Variants in TSR2 observed in about 807,000 individuals in gnomAD.
TSR2 encodes TSR2 ribosome maturation factor, also known as pre-rRNA-processing protein TSR2 homolog.
TSR2 carries 1 observed loss-of-function variant against 13.3 expected under a neutral mutation model. The observed-to-expected ratio is 0.08, with a 90% CI of 0.03 to 0.36. The LOEUF (loss-of-function observed/expected upper bound fraction) is 0.36, where lower values mean the gene tolerates loss of function less well. Ranked by LOEUF, TSR2 falls within the 10% of genes least tolerant of loss-of-function variation. TSR2 has a pLI of 0.99. For synonymous variants in TSR2, 60 were observed against 57.7 expected (o/e 1.04, Z -0.18); for missense variants, 120 against 151.1 (o/e 0.79, Z 1.08).
In TSR2 at chrX:54,443,993, A is replaced by T. The variant is rs368945815; in HGVS notation, c.265-15A>T. The stretch of plus-strand genomic sequence containing the variant: ...TATCTGGAAAATCCAAACTGGTTGA[A>T]TATTTTCTTGGTAGGTGAGCCAGCA... On this transcript the variant is annotated splice_polypyrimidine_tract_variant and intron_variant, in intron 3 of 4. Transcript: ENST00000375151. 7.5e-6 allele frequency: 9 copies of T among 1,207,295 alleles called. No individual in the cohort carries two copies. Among genetic ancestry groups the T allele is most frequent in the Non-Finnish European group, 9.0e-6 (8 of 892,867 alleles).
chrX:54,444,649 AC>A lies in TSR2; in HGVS notation c.*103del. 1.2e-6 allele frequency: 1 copy of A among 858,340 alleles called. No individual in the cohort carries two copies. The highest frequency in any genetic ancestry group is 1.6e-6 in the Non-Finnish European group (1 of 619,819). 70.7% of individuals were successfully genotyped at this position (858,340 alleles called of 1,213,427 possible). On this transcript the variant is annotated 3_prime_UTR_variant, in exon 5 of 5. Transcript: ENST00000375151. ...AGGATTGCAGACCTGTGGACTGGTT[AC>A]CCCATCTCCACCCTCTCCCCTGTTC...
chrX:54,446,815 C>T lies in TSR2; in HGVS notation c.*2265C>T, dbSNP rs1482982827. ...CTTGGCTCACTGCAACCTCTACCTC[C>T]CAGGTTCAAGCAATTCTCCTGCCTC... is the stretch of plus-strand genomic sequence containing the variant. On this transcript the variant is annotated 3_prime_UTR_variant, in exon 5 of 5. Transcript: ENST00000375151. Among the ~76,000 whole-genome samples, 2 of 107,361 alleles carry T rather than the reference C, an allele frequency of 1.9e-5. No individual in the cohort carries two copies. Among genetic ancestry groups the T allele is most frequent in the African/African-American group, 3.4e-5 (1 of 29,175 alleles). 93.2% of individuals were successfully genotyped at this position (107,361 alleles called of 115,157 possible).
In TSR2 at chrX:54,445,647, A is replaced by T. The variant is rs1922125345; in HGVS notation, c.*1097A>T. 8.3e-6 allele frequency: 1 copy of T among 119,875 alleles called. No individual in the cohort carries two copies. The highest frequency in any genetic ancestry group is 3.3e-5 in the African/African-American group (1 of 30,765). 9.9% of individuals were successfully genotyped at this position (119,875 alleles called of 1,213,427 possible). On this transcript the variant is annotated 3_prime_UTR_variant, in exon 5 of 5. Coordinates refer to ENST00000375151, the MANE Select transcript of TSR2 (RefSeq NM_058163.3). ...AGCTGTAAGCCATGGGAGAGGCAGG[A>T]GAGGTCTAGTTGCCACCCCACGTGG...
chrX:54,443,352 T>A (rs750750388), intron 2 of TSR2, 48 bp from the exon 3 acceptor site: 11 of 958,369 alleles, frequency 1.1e-5, no homozygotes, highest in Admixed American at 2.3e-5. Context: ...GCAGGGGTGA[T>A]GAAGTTGGCT....
chrX:54,440,443 G>C lies in TSR2; in HGVS notation c.22G>C (p.Ala8Pro), dbSNP rs377577583. 1.8e-4 allele frequency: 208 copies of C among 1,127,308 alleles called. No homozygotes were observed. Among genetic ancestry groups the C allele is most frequent in the Non-Finnish European group, 2.2e-4 (192 of 858,135 alleles). The allele number at this position is 1,127,308 out of a possible 1,213,427, so 92.9% of individuals were successfully genotyped here. A position where few individuals can be genotyped will look rare whatever the true frequency, so the allele number is the denominator to read the frequency against. Residue 8 changes from alanine to proline, a missense_variant, in exon 1 of 5, where the codon GCG (alanine) becomes CCG (proline). Ala to Pro is a conservative substitution (Grantham distance 27). This residue lies in a region of TSR2 where 53 missense variants were observed against 52.3 expected (regional missense o/e 1.01). Transcript: ENST00000375151. ...GATAATGGCGGGCGCTGCAGAAGAT[G>C]CGCGAGCTCTTTTCCGGGCTGGGGT... MAGAAEDARALFRAGVCA... is the reference protein window; with the variant it reads MAGAAEDPRALFRAGVCA...
At position 54,446,034 on chromosome X, in the gene TSR2, G is replaced by T; in HGVS notation, c.*1484G>T. 1 of 802,281 alleles carries T rather than the reference G, an allele frequency of 1.2e-6. No individual in the cohort carries two copies. The highest frequency in any genetic ancestry group is 2.0e-5 in the African/African-American group (1 of 48,832). 66.1% of individuals were successfully genotyped at this position (802,281 alleles called of 1,213,427 possible). A position where few individuals can be genotyped will look rare whatever the true frequency, so the allele number is the denominator to read the frequency against. On this transcript the variant is annotated 3_prime_UTR_variant, in exon 5 of 5. Coordinates refer to ENST00000375151, the MANE Select transcript of TSR2 (RefSeq NM_058163.3). ...TTCAAGTATTGACTGAGCTGGGAGGGAAGGGGCTAGAGCCCCCAATCAGAC... is the reference window on the plus strand; with the variant it reads ...TTCAAGTATTGACTGAGCTGGGAGGTAAGGGGCTAGAGCCCCCAATCAGAC...
rs1262323435 is a variant in TSR2 at position 54,446,572 on chromosome X, A to G, written c.*2022A>G. On this transcript the variant is annotated 3_prime_UTR_variant, in exon 5 of 5. Transcript: ENST00000375151. Reference sequence around the variant, plus strand: ...TGGCTCCAGTGTTATCAACAGGAACATGTCAGAACTGGGGCTAAAATGCAG... The same window carrying G: ...TGGCTCCAGTGTTATCAACAGGAACGTGTCAGAACTGGGGCTAAAATGCAG... Among the ~76,000 whole-genome samples, 2 of 111,278 alleles carry G rather than the reference A, an allele frequency of 1.8e-5. No individual in the cohort carries two copies. The highest frequency in any genetic ancestry group is 3.3e-5 in the African/African-American group (1 of 30,574).
In TSR2 at chrX:54,446,070, A is replaced by G. The variant is rs1234152856; in HGVS notation, c.*1520A>G. ...AGCCCCCAATCAGACATGGGCAACTAGAGTGTGGGGTGGGGGCTCCCAGTT... is the reference window on the plus strand; with the variant it reads ...AGCCCCCAATCAGACATGGGCAACTGGAGTGTGGGGTGGGGGCTCCCAGTT... On this transcript the variant is annotated 3_prime_UTR_variant, in exon 5 of 5. Coordinates refer to ENST00000375151, the MANE Select transcript of TSR2 (RefSeq NM_058163.3). 1.8e-6 allele frequency: 2 copies of G among 1,103,774 alleles called. No homozygotes were observed. Among genetic ancestry groups the G allele is most frequent in the Non-Finnish European group, 2.5e-6 (2 of 809,756 alleles). The allele number at this position is 1,103,774 out of a possible 1,213,427, so 91.0% of individuals were successfully genotyped here.
chrX:54,447,042 C>G lies in TSR2; in HGVS notation c.*2492C>G, dbSNP rs1365455858. Among the ~76,000 whole-genome samples the G allele has an allele frequency of 9.0e-6, 1 of 111,307 alleles. No individual in the cohort carries two copies. The highest frequency in any genetic ancestry group is 3.3e-5 in the African/African-American group (1 of 30,626). ...CTCGGTCCCATCTGCATACTCTTAC[C>G]CACTCCAAATTGGACCTAGCAGTTC... On this transcript the variant is annotated 3_prime_UTR_variant, in exon 5 of 5. Coordinates refer to ENST00000375151, the MANE Select transcript of TSR2 (RefSeq NM_058163.3).
intron 2 of TSR2, 52 bp from the exon 3 acceptor site, chrX:54,443,348 G>T: frequency 1.1e-6 from 1 of 907,194 alleles, no homozygotes; most frequent in Non-Finnish European, 1.6e-6. Context: ...GTGGGCAGGG[G>T]TGATGAAGTT....
At position 54,446,000 on chromosome X, in the gene TSR2, T is replaced by G; in HGVS notation, c.*1450T>G. On this transcript the variant is annotated 3_prime_UTR_variant, in exon 5 of 5. Transcript: ENST00000375151. Reference sequence around the variant, plus strand: ...CAGCATTCGGGATTGAAAGTGCCCGTGATGGGAGTTCAAGTATTGACTGAG... The same window carrying G: ...CAGCATTCGGGATTGAAAGTGCCCGGGATGGGAGTTCAAGTATTGACTGAG... 1.8e-6 allele frequency: 1 copy of G among 564,517 alleles called. No homozygotes were observed. The highest frequency in any genetic ancestry group is 2.8e-6 in the Non-Finnish European group (1 of 353,836). The allele number at this position is 564,517 out of a possible 1,213,427, so 46.5% of individuals were successfully genotyped here.
chrX:54,446,496 GCT>G lies in TSR2; in HGVS notation c.*1949_*1950del. 2 of 963,315 alleles carry G rather than the reference GCT, an allele frequency of 2.1e-6. No individual in the cohort carries two copies. Among genetic ancestry groups the G allele is most frequent in the Admixed American group, 2.8e-5 (1 of 35,229 alleles). The allele number at this position is 963,315 out of a possible 1,213,427, so 79.4% of individuals were successfully genotyped here. A position where few individuals can be genotyped will look rare whatever the true frequency, so the allele number is the denominator to read the frequency against. On this transcript the variant is annotated 3_prime_UTR_variant, in exon 5 of 5. Transcript: ENST00000375151. ...CCAGCTTCTAACTGGTTTTGCATATGCTCTGTCTTCAGTCCCCTACTCAGGAA... is the reference window on the plus strand; with the variant it reads ...CCAGCTTCTAACTGGTTTTGCATATGCTGTCTTCAGTCCCCTACTCAGGAA...
chrX:54,440,989 G>A (rs1271181047), intron 2 of TSR2, among the ~76,000 whole-genome samples: 1 of 111,656 alleles, frequency 9.0e-6, no homozygotes, highest in East Asian at 2.8e-4. Context: ...GGACAAGGCA[G>A]TTTACCTCCC....
Position 54,440,485 on chromosome X carries a change from G to A in TSR2, c.64G>A (p.Ala22Thr). The A allele has an allele frequency of 8.8e-7, 1 of 1,139,315 alleles. No individual in the cohort carries two copies. Among genetic ancestry groups the A allele is most frequent in the Non-Finnish European group, 1.2e-6 (1 of 862,315 alleles). The allele number at this position is 1,139,315 out of a possible 1,213,427, so 93.9% of individuals were successfully genotyped here. A position where few individuals can be genotyped will look rare whatever the true frequency, so the allele number is the denominator to read the frequency against. ...FRAGVCAALEAWPALQIAVEN... is the reference protein window; with the variant it reads ...FRAGVCAALETWPALQIAVEN... ...GGCTGGGGTCTGCGCGGCCCTGGAGGCCTGGCCGGCCTTGCAGGTCAGTGG... is the reference window on the plus strand; with the variant it reads ...GGCTGGGGTCTGCGCGGCCCTGGAGACCTGGCCGGCCTTGCAGGTCAGTGG... Residue 22 changes from alanine to threonine, a missense_variant, in exon 1 of 5, where the codon GCC (alanine) becomes ACC (threonine). Physicochemically the swap from Ala to Thr is moderately conservative, Grantham distance 58. Coordinates refer to ENST00000375151, the MANE Select transcript of TSR2 (RefSeq NM_058163.3).
chrX:54,443,980 C>G (rs1922023741), intron 3 of TSR2, 28 bp from the exon 4 acceptor site: 3 of 1,202,252 alleles, frequency 2.5e-6, no homozygotes, highest in Non-Finnish European at 3.4e-6. Context: ...TCTGGAAAAT[C>G]CAAACTGGTT....
At chrX:54,443,966 G>A (rs1326466668) in intron 3 of TSR2, 42 bp from the exon 4 acceptor site, 13 of 1,198,859 alleles carry the variant, frequency 1.1e-5, no homozygotes, top group African/African-American at 1.0e-4. Context: ...TTGTATAGTA[G>A]ATATCTGGAA....
In TSR2 at chrX:54,447,639, G is replaced by C. The variant is rs1473328195; in HGVS notation, c.*3089G>C. On this transcript the variant is annotated 3_prime_UTR_variant, in exon 5 of 5. Transcript: ENST00000375151. ...CAGCTAGAGCTGAGATTCAAAGCTA[G>C]GTTCGTCTGCCTCATTTGGGCAACG... Among the ~76,000 whole-genome samples, 1 of 112,882 alleles carries C rather than the reference G, an allele frequency of 8.9e-6. No individual in the cohort carries two copies. Among genetic ancestry groups the C allele is most frequent in the Non-Finnish European group, 1.9e-5 (1 of 53,417 alleles).
In TSR2 at chrX:54,446,039, G is replaced by A. The variant is rs1004654429; in HGVS notation, c.*1489G>A. On this transcript the variant is annotated 3_prime_UTR_variant, in exon 5 of 5. Transcript: ENST00000375151. ...GTATTGACTGAGCTGGGAGGGAAGGGGCTAGAGCCCCCAATCAGACATGGG... is the reference window on the plus strand; with the variant it reads ...GTATTGACTGAGCTGGGAGGGAAGGAGCTAGAGCCCCCAATCAGACATGGG... 1.1e-6 allele frequency: 1 copy of A among 871,386 alleles called. No individual in the cohort carries two copies. Among genetic ancestry groups the A allele is most frequent in the African/African-American group, 2.0e-5 (1 of 49,831 alleles). 71.8% of individuals were successfully genotyped at this position (871,386 alleles called of 1,213,427 possible). A position where few individuals can be genotyped will look rare whatever the true frequency, so the allele number is the denominator to read the frequency against.
rs779801706 is a variant in TSR2 at position 54,447,197 on chromosome X, T to TAGGCTCACCTTATCTTCCA, written c.*2671_*2689dup. 8.9e-4 allele frequency: 740 copies of TAGGCTCACCTTATCTTCCA among 835,354 alleles called. 1 individual carries two copies. The highest frequency in any genetic ancestry group is 1.6e-3 in the Admixed American group (62 of 39,679). 68.8% of individuals were successfully genotyped at this position (835,354 alleles called of 1,213,427 possible). A position where few individuals can be genotyped will look rare whatever the true frequency, so the allele number is the denominator to read the frequency against. On this transcript the variant is annotated 3_prime_UTR_variant, in exon 5 of 5. Transcript: ENST00000375151. Reference sequence around the variant, plus strand: ...TGGGGTTCTGATTTCCTCTTAGAGATAGGCTCACCTTATCTTCCAAGGCTC... The same window carrying TAGGCTCACCTTATCTTCCA: ...TGGGGTTCTGATTTCCTCTTAGAGATAGGCTCACCTTATCTTCCAAGGCTCACCTTATCTTCCAAGGCTC...
Sources: allele counts gnomAD v4.1 joint callset (sites outside exome capture counted in the v4.1 genomes callset), GRCh38; gene constraint gnomAD v4.1.1; regional missense constraint gnomAD v4.1.1; transcripts MANE v1.5; gene names NCBI Gene and HGNC (gene_info 2026-07-23, HGNC 2026-07-21).